Variants in ESR1 observed in about 807,000 individuals in gnomAD.
The protein encoded by ESR1 is estrogen receptor.
In ESR1, 12 loss-of-function variants were observed where a neutral mutation model predicts 52.7. The observed-to-expected ratio is 0.23, with a 90% CI of 0.15 to 0.37. ESR1 has a LOEUF of 0.37. Ranked by LOEUF, ESR1 falls within the 10% of genes least tolerant of loss-of-function variation. The pLI, the probability that ESR1 is intolerant of heterozygous loss-of-function variation, is 1.00. For synonymous variants in ESR1, 305 were observed against 316.8 expected (o/e 0.96, Z 0.39); for missense variants, 584 against 779.7 (o/e 0.75, Z 2.99).
At chr6:151,848,979 C>T (rs143863086) in intron 2 of ESR1, among the ~76,000 whole-genome samples, 6 of 152,202 alleles carry the variant, frequency 3.9e-5, no homozygotes, top group African/African-American at 9.6e-5. Flanking sequence ...CCCCCCAACA[C>T]GCCAACATGT....
At chr6:151,854,237 T>C (rs1259361966) in intron 2 of ESR1, among the ~76,000 whole-genome samples, 1 of 152,222 alleles carries the variant, frequency 6.6e-6, no homozygotes, top group African/African-American at 2.4e-5. Context: ...AATAACAACA[T>C]GTAAGGAAAA....
intron 1 of ESR1, among the ~76,000 whole-genome samples, chr6:151,681,461 G>T (rs151254912): frequency 1.3e-5 from 2 of 151,664 alleles, no homozygotes; most frequent in Non-Finnish European, 2.9e-5. Context: ...TCCCGTGCTC[G>T]TCAATTCTCT....
chr6:151,697,023 G>A (rs919126164), intron 1 of ESR1, among the ~76,000 whole-genome samples: 1 of 152,134 alleles, frequency 6.6e-6, no homozygotes. Flanking sequence ...AAAGTGCAAG[G>A]TGGTGGTAGG....
At chr6:152,003,639 G>C (rs1201419316) in intron 4 of ESR1, among the ~76,000 whole-genome samples, 2 of 152,018 alleles carry the variant, frequency 1.3e-5, no homozygotes, top group South Asian at 2.1e-4. Context: ...AATTATTTAG[G>C]AGAGGAAAAC....
intron 4 of ESR1, among the ~76,000 whole-genome samples, chr6:151,959,350 C>T (rs1051353069): frequency 6.6e-6 from 1 of 152,206 alleles, no homozygotes; most frequent in Non-Finnish European, 1.5e-5. Flanking sequence ...TGGTGCGGCA[C>T]ACATCTTTTT....
At chr6:151,963,142 T>C (rs564854439) in intron 4 of ESR1, among the ~76,000 whole-genome samples, 1 of 152,274 alleles carries the variant, frequency 6.6e-6, no homozygotes, top group East Asian at 1.9e-4. Flanking sequence ...AGGCTTGTCA[T>C]AAATATTTGA....
chr6:151,939,343 G>T (rs2034762547), intron 3 of ESR1, among the ~76,000 whole-genome samples: 1 of 152,186 alleles, frequency 6.6e-6, no homozygotes, highest in African/African-American at 2.4e-5. Flanking sequence ...CAGTTGGGGG[G>T]TGAACTTAAG....
At chr6:151,950,858 GA>G (rs9340908) in intron 4 of ESR1, among the ~76,000 whole-genome samples, 86,800 of 151,608 alleles carry the variant, frequency 0.57, 26,105 homozygotes, top group Middle Eastern at 0.71. Context: ...GGAGCCCTAG[GA>G]AATTAATACA....
rs1374402489 is a variant in ESR1, at chr6:152,098,038, A to G, written c.1554-694A>G. Among the ~76,000 whole-genome samples, 2 of 152,114 alleles carry G rather than the reference A, an allele frequency of 1.3e-5. No homozygotes were observed. The highest frequency in any genetic ancestry group is 4.8e-5 in the African/African-American group (2 of 41,412). On this transcript the variant is annotated intron_variant, in intron 7 of 7. Transcript: ENST00000206249. The surrounding 1 kb of genome is among the most constrained non-coding windows in gnomAD (Gnocchi z 5.1). ...CTTTCCGAGGAGGCGGCATTTGAAG[A>G]CCGGAGGAAGGTTCATCCCAGCAAG...
chr6:152,119,992 T>C (rs1367557298), intron 6 of ESR1, among the ~76,000 whole-genome samples: 1 of 152,248 alleles, frequency 6.6e-6, no homozygotes, highest in Non-Finnish European at 1.5e-5. Context: ...TACACCCCTT[T>C]GGGGGTTTCA....
chr6:151,990,947 A>G (rs1017872733), intron 4 of ESR1, among the ~76,000 whole-genome samples: 22 of 152,178 alleles, frequency 1.4e-4, no homozygotes, highest in African/African-American at 5.3e-4. Context: ...CCTACACTAA[A>G]AAGAAAAATG....
At chr6:151,919,481 T>C (rs2031130761) in intron 3 of ESR1, among the ~76,000 whole-genome samples, 1 of 152,150 alleles carries the variant, frequency 6.6e-6, no homozygotes, top group Admixed American at 6.5e-5. Context: ...TCAGAGGTGG[T>C]AGCTCTGAAA....
At chr6:151,916,509 ACCTCCT>A (rs2030236365) in intron 3 of ESR1, among the ~76,000 whole-genome samples, 1 of 152,100 alleles carries the variant, frequency 6.6e-6, no homozygotes, top group East Asian at 1.9e-4. Context: ...GGCAATAGGT[ACCTCCT>A]TTGGAATAAG....
At chr6:152,008,724 G>A (rs1049017216) in intron 4 of ESR1, among the ~76,000 whole-genome samples, 1 of 151,448 alleles carries the variant, frequency 6.6e-6, no homozygotes, top group African/African-American at 2.4e-5. Context: ...TCCGAGGTAG[G>A]TTTCATCATG....
chr6:151,665,628 G>A (rs571112285), intron 1 of ESR1, among the ~76,000 whole-genome samples: 9 of 149,844 alleles, frequency 6.0e-5, no homozygotes, highest in Non-Finnish European at 8.9e-5. Flanking sequence ...TTTTTTTTTC[G>A]CTGAATTCAT....
At chr6:151,873,224 G>A (rs1791271913) in intron 2 of ESR1, among the ~76,000 whole-genome samples, 1 of 152,166 alleles carries the variant, frequency 6.6e-6, no homozygotes, top group South Asian at 2.1e-4. Flanking sequence ...GGAGACCTTG[G>A]TTCAAAACCC....
At chr6:151,717,015 TG>T (rs1364470553) in intron 2 of ESR1, among the ~76,000 whole-genome samples, 1 of 152,154 alleles carries the variant, frequency 6.6e-6, no homozygotes, top group African/African-American at 2.4e-5. Context: ...TCCTGGTCTG[TG>T]TGTTTCAAAG....
At chr6:151,681,871 A>T (rs1242161729) in intron 1 of ESR1, among the ~76,000 whole-genome samples, 1 of 152,168 alleles carries the variant, frequency 6.6e-6, no homozygotes, top group African/African-American at 2.4e-5. Context: ...CACCTGCGAC[A>T]GTTGTAGTGA....
chr6:151,736,434 G>A (rs893172680), intron 2 of ESR1, among the ~76,000 whole-genome samples: 26 of 132,426 alleles, frequency 2.0e-4, no homozygotes, highest in African/African-American at 5.9e-4. Flanking sequence ...GTGTGGTGGC[G>A]TGATCTTGGC....
Sources: allele counts gnomAD v4.1 joint callset (sites outside exome capture counted in the v4.1 genomes callset), GRCh38; gene constraint gnomAD v4.1.1; non-coding constraint Gnocchi (gnomAD v3.1); transcripts MANE v1.5; gene names NCBI Gene and HGNC (gene_info 2026-07-23, HGNC 2026-07-21).